Variants in PLAC1 observed in about 807,000 individuals in gnomAD.
PLAC1 encodes placenta-specific protein 1.
For missense variants in PLAC1, 136 were observed against 163.2 expected (o/e 0.83, Z 0.91); for synonymous variants, 68 against 62.1 (o/e 1.09, Z -0.44).
At chrX:134,649,657 A>G (rs1012297817) in intron 1 of PLAC1, among the ~76,000 whole-genome samples, 2 of 112,345 alleles carry the variant, frequency 1.8e-5, no homozygotes, top group South Asian at 3.7e-4. Flanking sequence ...CCAAATGGCC[A>G]ACCATTATCA....
At chrX:134,704,353 C>T (rs1418224285) in intron 2 of PLAC1, among the ~76,000 whole-genome samples, 3 of 106,225 alleles carry the variant, frequency 2.8e-5, no homozygotes, top group African/African-American at 1.0e-4. Flanking sequence ...ATTAGCTGGG[C>T]GTGGTGTTGC....
intron 2 of PLAC1, among the ~76,000 whole-genome samples, chrX:134,590,216 TAATA>T (rs1556049833): frequency 2.8e-5 from 3 of 107,135 alleles, no homozygotes; most frequent in African/African-American, 9.9e-5. Context: ...AATAAATAAA[TAATA>T]AATAAATAAA....
At chrX:134,681,345 T>A (rs1383323101) in intron 2 of PLAC1, among the ~76,000 whole-genome samples, 2 of 110,838 alleles carry the variant, frequency 1.8e-5, no homozygotes, top group Non-Finnish European at 3.8e-5. Context: ...TGAGGCTGCC[T>A]TGAAGGATAA....
At chrX:134,610,221 C>T (rs1306058967) in intron 1 of PLAC1, among the ~76,000 whole-genome samples, 2 of 111,223 alleles carry the variant, frequency 1.8e-5, no homozygotes, top group Non-Finnish European at 3.8e-5. Flanking sequence ...CATGATCTAC[C>T]TGCCTTGGCC....
chrX:134,671,898 T>C (rs976480894), intron 2 of PLAC1, among the ~76,000 whole-genome samples: 1 of 111,793 alleles, frequency 8.9e-6, no homozygotes, highest in African/African-American at 3.3e-5. Flanking sequence ...TCCCAAGTCA[T>C]TGGGTTACAT....
intron 2 of PLAC1, among the ~76,000 whole-genome samples, chrX:134,702,731 C>A (rs2078588020): frequency 9.0e-6 from 1 of 111,646 alleles, no homozygotes; most frequent in Non-Finnish European, 1.9e-5. Context: ...TGCATATGTA[C>A]CCCCTGAATC....
chrX:134,714,962 A>G (rs1272891427), intron 2 of PLAC1, among the ~76,000 whole-genome samples: 1 of 111,610 alleles, frequency 9.0e-6, no homozygotes, highest in Non-Finnish European at 1.9e-5. Flanking sequence ...AGGAATGCAC[A>G]CCCAAAGTGC....
At chrX:134,665,812 G>A (rs962154376) in intron 2 of PLAC1, among the ~76,000 whole-genome samples, 1 of 111,071 alleles carries the variant, frequency 9.0e-6, no homozygotes, top group Non-Finnish European at 1.9e-5. Flanking sequence ...ACCTGTCAAA[G>A]TCTGTGCCCA....
Position 134,740,249 on chromosome X carries a change from G to A in PLAC1, n.90-6730C>T, listed in dbSNP as rs188290231. ...GGTGTATCGCTTGAACCCGGGAGGC[G>A]GAGGTTGCAGTGAGCCAAGATCGCG... On this transcript the variant is annotated intron_variant and non_coding_transcript_variant, in intron 1 of 2. Coordinates refer to the PLAC1 transcript ENST00000466797. 3.5e-3 allele frequency among the ~76,000 whole-genome samples: 383 copies of A among 107,907 alleles called. 1 individual carries two copies. The highest frequency in any genetic ancestry group is 0.012 in the African/African-American group (350 of 29,416). 93.7% of individuals were successfully genotyped at this position (107,907 alleles called of 115,157 possible).
intron 1 of PLAC1, among the ~76,000 whole-genome samples, chrX:134,763,860 G>GAAAGAAAGAAAGAAAGAAAGAA (rs1321216252): frequency 6.5e-5 from 6 of 92,360 alleles, no homozygotes; most frequent in African/African-American, 2.0e-4. Context: ...AAGAAAGAAA[G>GAAAGAAAGAAAGAAAGAAAGAA]AGAAAAGAAA....
intron 2 of PLAC1, among the ~76,000 whole-genome samples, chrX:134,710,964 T>C (rs1472112264): frequency 8.9e-6 from 1 of 112,015 alleles, no homozygotes. Flanking sequence ...AAATACCCAG[T>C]TTGGGAAACC....
At chrX:134,704,582 A>C (rs2078595425) in intron 2 of PLAC1, among the ~76,000 whole-genome samples, 2 of 106,764 alleles carry the variant, frequency 1.9e-5, no homozygotes, top group Admixed American at 2.1e-4. Flanking sequence ...ATCTAAGCAT[A>C]ACAGAAATCA....
At chrX:134,579,174 T>C (rs1301489394) in intron 2 of PLAC1, among the ~76,000 whole-genome samples, 1 of 110,360 alleles carries the variant, frequency 9.1e-6, no homozygotes, top group African/African-American at 3.3e-5. Flanking sequence ...TAGAATGCAC[T>C]CCCTCCTGTT....
At chrX:134,566,866 A>G (rs993994068) in intron 2 of PLAC1, 126 bp from the exon 3 acceptor site, 57 of 413,478 alleles carry the variant, frequency 1.4e-4, no homozygotes, top group Non-Finnish European at 1.0e-4. Flanking sequence ...CATTTGAGAG[A>G]GAACTGAACT....
At chrX:134,591,964 T>C (rs763026014) in intron 2 of PLAC1, among the ~76,000 whole-genome samples, 1 of 112,687 alleles carries the variant, frequency 8.9e-6, no homozygotes, top group East Asian at 2.8e-4. Context: ...TGTATCTTTA[T>C]GTCCTTTGCC....
At chrX:134,605,706 T>C (rs965353340) in intron 1 of PLAC1, 4 of 112,108 alleles carry the variant, frequency 3.6e-5, no homozygotes, top group African/African-American at 1.3e-4. Flanking sequence ...AGAGAGACTG[T>C]GCCCAAGACC....
intron 2 of PLAC1, among the ~76,000 whole-genome samples, chrX:134,686,391 T>C (rs186131442): frequency 3.2e-3 from 359 of 111,931 alleles, no homozygotes; most frequent in African/African-American, 0.011. Flanking sequence ...TTGACTCTTC[T>C]GTGGGATAGT....
At chrX:134,758,450 C>T (rs1397589973) in intron 1 of PLAC1, among the ~76,000 whole-genome samples, 3 of 111,752 alleles carry the variant, frequency 2.7e-5, no homozygotes, top group Admixed American at 9.5e-5. Flanking sequence ...TAAAAACAGA[C>T]ACATATACCA....
At chrX:134,653,295 C>G in intron 1 of PLAC1, among the ~76,000 whole-genome samples, 1 of 112,286 alleles carries the variant, frequency 8.9e-6, no homozygotes, top group Non-Finnish European at 1.9e-5. Context: ...ACCTGCTCAC[C>G]CTCCAGGCTT....
Sources: gnomAD v4.1 joint callset for allele counts (sites outside exome capture counted in the v4.1 genomes callset) on GRCh38, gnomAD v4.1.1 for gene constraint, MANE v1.5 for transcripts, NCBI Gene and HGNC (gene_info 2026-07-23, HGNC 2026-07-21) for gene names.